CASD1: variants seen among roughly 807,000 people sequenced by gnomAD.
The protein encoded by CASD1 is N-acetylneuraminate (7)9-O-acetyltransferase.
Under a neutral mutation model 100.0 loss-of-function variants are expected in CASD1, and 41 were observed. That is an observed-to-expected ratio of 0.41 (90% CI 0.32 to 0.53). CASD1 has a LOEUF of 0.53. Among genes scored for constraint, CASD1 ranks in the 20% least tolerant of loss-of-function variants. The pLI, the probability that CASD1 is intolerant of heterozygous loss-of-function variation, is 0.25. For missense variants in CASD1, 774 were observed against 948.7 expected, an observed-to-expected ratio of 0.82 and a Z score of 2.42; for synonymous variants, 321 against 315.6, an observed-to-expected ratio of 1.02 and a Z score of -0.18.
At chr7:94,573,387 T>A in the CASD1 span, among the ~76,000 whole-genome samples, 1 of 152,240 alleles carries the variant, frequency 6.6e-6, no homozygotes, top group Non-Finnish European at 1.5e-5. Context: ...TTTGTTTGTG[T>A]CTTCTCTGAT....
the CASD1 span, among the ~76,000 whole-genome samples, chr7:94,583,639 G>A: frequency 1.3e-5 from 2 of 152,226 alleles, no homozygotes; most frequent in Admixed American, 6.5e-5. Flanking sequence ...AAACTTTTAG[G>A]GGATATTTGG....
the CASD1 span, chr7:94,600,749 C>T: frequency 1.2e-6 from 2 of 1,613,638 alleles, no homozygotes; most frequent in Non-Finnish European, 1.7e-6. Flanking sequence ...GTGTAATAGT[C>T]TCTGCTTTTC....
At chr7:94,607,600 AT>A in the CASD1 span, among the ~76,000 whole-genome samples, 1 of 152,244 alleles carries the variant, frequency 6.6e-6, no homozygotes, top group African/African-American at 2.4e-5. Flanking sequence ...TCCAATGGCA[AT>A]TTGTGAAAAA....
intron 1 of CASD1, among the ~76,000 whole-genome samples, chr7:94,513,381 T>C (rs867423292): frequency 2.0e-5 from 3 of 152,142 alleles, no homozygotes; most frequent in Middle Eastern, 3.2e-3. Context: ...AAAAGTTGTT[T>C]GTGTAAAGCT....
rs1795474739 is a variant in CASD1 at position 94,542,735 on chromosome 7, C to T, written c.1357-1676C>T. Among the ~76,000 whole-genome samples, 3 of 152,228 alleles carry T rather than the reference C, an allele frequency of 2.0e-5. No individual in the cohort carries two copies. In the South Asian group the frequency reaches 6.2e-4, roughly 32 times the overall value. On this transcript the variant is annotated intron_variant, in intron 10 of 17. Coordinates refer to ENST00000297273, the MANE Select transcript of CASD1 (RefSeq NM_022900.5). Reference sequence around the variant, plus strand: ...TTTCTTCTATTAAAAGATGCTTAGGCAATCCACGAAGGGGATATTTTAGAG... The same window carrying T: ...TTTCTTCTATTAAAAGATGCTTAGGTAATCCACGAAGGGGATATTTTAGAG...
chr7:94,595,653 T>A, the CASD1 span, among the ~76,000 whole-genome samples: 4 of 152,142 alleles, frequency 2.6e-5, no homozygotes, highest in Non-Finnish European at 5.9e-5. Context: ...AATATTTGTG[T>A]GTGTCTACTC....
At chr7:94,551,300 T>A (rs1795933569) in intron 14 of CASD1, 38 bp from the exon 15 acceptor site, 1 of 1,489,622 alleles carries the variant, frequency 6.7e-7, no homozygotes, top group Non-Finnish European at 8.9e-7. Context: ...TTTTGAAAAG[T>A]AACTGTTTAA....
the CASD1 span, chr7:94,617,156 G>T: frequency 6.6e-6 from 1 of 152,144 alleles, no homozygotes; most frequent in Non-Finnish European, 1.5e-5. Context: ...GTCTCTAGGG[G>T]GAACAAAGGC....
intron 1 of CASD1, 54 bp downstream of exon 1, chr7:94,510,271 G>C: frequency 7.8e-6 from 10 of 1,289,112 alleles, no homozygotes; most frequent in Non-Finnish European, 1.0e-5. Flanking sequence ...CGGCGACGCG[G>C]CGGCTGGAGG....
At chr7:94,609,236 T>C in the CASD1 span, among the ~76,000 whole-genome samples, 1 of 152,172 alleles carries the variant, frequency 6.6e-6, no homozygotes, top group African/African-American at 2.4e-5. Context: ...CAATTAAAAA[T>C]GGGCCAGAGG....
downstream of CASD1, among the ~76,000 whole-genome samples, chr7:94,558,713 A>G (rs1319311156): frequency 2.6e-5 from 4 of 152,182 alleles, no homozygotes; most frequent in Non-Finnish European, 5.9e-5. Flanking sequence ...AATGGTTTCC[A>G]GAAAAGGAAG....
chr7:94,619,299 A>C, the CASD1 span: 1 of 185,972 alleles, frequency 5.4e-6, no homozygotes, highest in East Asian at 1.5e-4. Flanking sequence ...CTAAAATATT[A>C]CTTTTTCTGA....
the CASD1 span, chr7:94,626,568 T>C: frequency 2.0e-5 from 3 of 152,040 alleles, no homozygotes; most frequent in South Asian, 6.2e-4. Flanking sequence ...CAGTAATTTA[T>C]AATGATCTCA....
At chr7:94,513,803 A>C (rs1035000261) in intron 1 of CASD1, among the ~76,000 whole-genome samples, 4 of 152,168 alleles carry the variant, frequency 2.6e-5, no homozygotes, top group African/African-American at 9.7e-5. Context: ...ATTTCCTTTT[A>C]TGTTCTTTTG....
the CASD1 span, chr7:94,597,338 A>G: frequency 6.6e-6 from 1 of 152,202 alleles, no homozygotes; most frequent in Admixed American, 6.5e-5. Flanking sequence ...AAAAATATTC[A>G]TAATACTTTT....
At chr7:94,557,631 G>A (rs1796251361), downstream of CASD1, among the ~76,000 whole-genome samples, 1 of 152,012 alleles carries the variant, frequency 6.6e-6, no homozygotes, top group Admixed American at 6.6e-5. Flanking sequence ...CTTCAGTAGG[G>A]ATGCCGCAGT....
intron 10 of CASD1, among the ~76,000 whole-genome samples, chr7:94,544,169 A>G (rs77083260): frequency 0.012 from 1,760 of 152,314 alleles, 34 homozygotes; most frequent in African/African-American, 0.04. Flanking sequence ...TGCAAATTAG[A>G]AAACTCAAAG....
chr7:94,542,521 T>A (rs1355331612), intron 10 of CASD1, among the ~76,000 whole-genome samples: 1 of 152,234 alleles, frequency 6.6e-6, no homozygotes, highest in African/African-American at 2.4e-5. Context: ...TCTTTTAACT[T>A]TTAAAATGCT....
At chr7:94,597,476 G>T in the CASD1 span, 1 of 152,056 alleles carries the variant, frequency 6.6e-6, no homozygotes, top group East Asian at 1.9e-4. Context: ...TGGGAAAAAT[G>T]TACCCAGCAG....
Sources: allele counts gnomAD v4.1 joint callset (sites outside exome capture counted in the v4.1 genomes callset), GRCh38; gene constraint gnomAD v4.1.1; transcripts MANE v1.5; gene names NCBI Gene and HGNC (gene_info 2026-07-23, HGNC 2026-07-21).